The following OPHN1 variants were observed in gnomAD, a reference collection of about 807,000 sequenced individuals.
OPHN1 encodes the protein oligophrenin 1.
OPHN1 carries 11 observed loss-of-function variants against 60.7 expected under a neutral mutation model. The observed-to-expected ratio is 0.18, with a 90% CI of 0.11 to 0.30. The LOEUF is 0.30. OPHN1 is among the 10% of genes least tolerant of loss of function. The probability of loss-of-function intolerance (pLI) is 1.00; values close to 1 mark genes in which losing one functional copy is unlikely to be tolerated. For synonymous variants in OPHN1, 226 were observed against 222.6 expected, an observed-to-expected ratio of 1.02 and a Z score of -0.14; for missense variants, 449 against 611.0, an observed-to-expected ratio of 0.73 and a Z score of 2.80.
intron 20 of OPHN1, 77 bp downstream of exon 20, chrX:68,073,075 G>T (rs1038958751): frequency 5.6e-6 from 6 of 1,077,405 alleles, no homozygotes; most frequent in Non-Finnish European, 7.6e-6. Context: ...AAATGGTCAT[G>T]CCACCGCTTC....
intron 18 of OPHN1, 38 bp downstream of exon 18, chrX:68,111,816 T>A (rs1211161526): frequency 1.0e-6 from 1 of 989,631 alleles, no homozygotes; most frequent in East Asian, 3.0e-5. Context: ...GCCAGTCCTC[T>A]AATAGGAACT....
chrX:68,067,343 G>A (rs959090084), intron 20 of OPHN1, among the ~76,000 whole-genome samples: 2 of 110,721 alleles, frequency 1.8e-5, no homozygotes, highest in African/African-American at 6.6e-5. Context: ...TGAGCATAGG[G>A]ACCAATTACA....
chrX:68,206,714 T>A, intron 9 of OPHN1, 41 bp from the exon 10 acceptor site: 1 of 999,329 alleles, frequency 1.0e-6, no homozygotes, highest in Non-Finnish European at 1.4e-6. Context: ...AATAACTATT[T>A]TAGCTGTATA....
chrX:68,162,298 A>G (rs1338395819), intron 15 of OPHN1, among the ~76,000 whole-genome samples: 1 of 110,769 alleles, frequency 9.0e-6, no homozygotes, highest in Non-Finnish European at 1.9e-5. Flanking sequence ...TCTGTTTTTT[A>G]TGCTGAGTTC....
chrX:68,239,728 G>A (rs936145515), intron 5 of OPHN1, among the ~76,000 whole-genome samples: 10 of 111,141 alleles, frequency 9.0e-5, no homozygotes, highest in Admixed American at 5.8e-4. Context: ...ATAACACCAT[G>A]CTGTTTTGTA....
At chrX:68,234,391 G>A (rs770248387) in intron 6 of OPHN1, 96 bp downstream of exon 6, 29 of 686,731 alleles carry the variant, frequency 4.2e-5, no homozygotes, top group Non-Finnish European at 6.6e-5. Flanking sequence ...GTTCCCTGCT[G>A]AGACGGGGTA....
In OPHN1 at chrX:68,306,384, C is replaced by T. The variant is rs1490176507; in HGVS notation, c.155-7288G>A. ...TACTGGAGCTGACTACTACTCGTTACTGGAGCAAATGTTAGAAAAAGATTC... is the reference window on the plus strand; with the variant it reads ...TACTGGAGCTGACTACTACTCGTTATTGGAGCAAATGTTAGAAAAAGATTC... On this transcript the variant is annotated intron_variant, in intron 2 of 24. Transcript: ENST00000355520. Among the ~76,000 whole-genome samples, 36 of 111,755 alleles carry T rather than the reference C, an allele frequency of 3.2e-4. 1 individual carries two copies. In the Admixed American group the frequency reaches 3.4e-3, roughly 11 times the overall value.
At chrX:68,317,372 AAAGAAAGG>A (rs1232327598) in intron 2 of OPHN1, among the ~76,000 whole-genome samples, 33 of 63,388 alleles carry the variant, frequency 5.2e-4, no homozygotes, top group South Asian at 2.3e-3. Flanking sequence ...AGAAAGAAAG[AAAGAAAGG>A]AAGGAAGGAA....
intron 5 of OPHN1, among the ~76,000 whole-genome samples, chrX:68,245,901 T>A (rs1294964503): frequency 8.9e-6 from 1 of 111,913 alleles, no homozygotes; most frequent in East Asian, 2.8e-4. Flanking sequence ...CCTCCCAGGT[T>A]CAAGTTATTC....
intron 2 of OPHN1, among the ~76,000 whole-genome samples, chrX:68,376,710 C>A (rs1201554803): frequency 1.8e-5 from 2 of 111,086 alleles, no homozygotes; most frequent in African/African-American, 6.5e-5. Context: ...TAGCTCAGTA[C>A]CTCTTATAGA....
In OPHN1 at chrX:68,059,779, TAAG is replaced by T. The variant is rs771856988; in HGVS notation, c.2158+4072_2158+4074del. 3.2e-3 allele frequency among the ~76,000 whole-genome samples: 357 copies of T among 111,337 alleles called. 2 individuals are homozygous for T. Among genetic ancestry groups the T allele is most frequent in the Non-Finnish European group, 5.6e-3 (299 of 53,006 alleles). ...TCCAGCCAAGACAGAGGAAAGGAGCTAAGAAGGGCCCCTCAACCCATATGTCAT... is the reference window on the plus strand; with the variant it reads ...TCCAGCCAAGACAGAGGAAAGGAGCTAAGGGCCCCTCAACCCATATGTCAT... On this transcript the variant is annotated intron_variant, in intron 21 of 24. Coordinates refer to ENST00000355520, the MANE Select transcript of OPHN1 (RefSeq NM_002547.3).
chrX:68,091,161 C>T (rs1224198883), intron 19 of OPHN1, among the ~76,000 whole-genome samples: 1 of 111,412 alleles, frequency 9.0e-6, no homozygotes, highest in Non-Finnish European at 1.9e-5. Flanking sequence ...ACACTCAATG[C>T]CTCCATTTCC....
chrX:68,327,466 TCTGTGA>T (rs1288781840), intron 2 of OPHN1, among the ~76,000 whole-genome samples: 2 of 20,608 alleles, frequency 9.7e-5, no homozygotes, highest in African/African-American at 2.9e-4. Context: ...ATCCTGTTGA[TCTGTGA>T]CCTTATCCCC....
At chrX:68,312,965 G>GT (rs1434678550) in intron 2 of OPHN1, among the ~76,000 whole-genome samples, 3 of 111,180 alleles carry the variant, frequency 2.7e-5, no homozygotes, top group Non-Finnish European at 3.8e-5. Flanking sequence ...TTAGCTGGGT[G>GT]TGGTGGTACA....
chrX:68,389,657 T>A (rs868851228), intron 2 of OPHN1, among the ~76,000 whole-genome samples: 2 of 88,553 alleles, frequency 2.3e-5, no homozygotes, highest in Non-Finnish European at 4.3e-5. Flanking sequence ...TGTGATTTAG[T>A]AAAAAAAAAA....
intron 2 of OPHN1, among the ~76,000 whole-genome samples, chrX:68,421,899 G>A (rs1264199973): frequency 1.8e-5 from 2 of 111,528 alleles, no homozygotes; most frequent in African/African-American, 6.5e-5. Flanking sequence ...ATGAAAAGCA[G>A]CTGTGTTTGC....
intron 2 of OPHN1, among the ~76,000 whole-genome samples, chrX:68,410,199 G>T (rs2078762596): frequency 8.9e-6 from 1 of 111,803 alleles, no homozygotes; most frequent in Admixed American, 9.6e-5. Flanking sequence ...CATTTCTGAT[G>T]CTATAACAAA....
chrX:68,235,606 G>A (rs1331542011), intron 5 of OPHN1, among the ~76,000 whole-genome samples: 11 of 109,151 alleles, frequency 1.0e-4, no homozygotes, highest in Non-Finnish European at 1.9e-4. Context: ...GGGAGGCCGA[G>A]GCGGGCGGAT....
At chrX:68,067,973 C>T (rs966452869) in intron 20 of OPHN1, among the ~76,000 whole-genome samples, 1 of 111,704 alleles carries the variant, frequency 9.0e-6, no homozygotes, top group African/African-American at 3.3e-5. Flanking sequence ...GTTGGGAAAA[C>T]TACTCATCAT....
Sources: allele counts gnomAD v4.1 joint callset (sites outside exome capture counted in the v4.1 genomes callset), GRCh38; gene constraint gnomAD v4.1.1; transcripts MANE v1.5; gene names NCBI Gene and HGNC (gene_info 2026-07-23, HGNC 2026-07-21).